KIF9: variants seen among roughly 807,000 people sequenced by gnomAD.
KIF9 encodes the protein kinesin-like protein KIF9.
A neutral mutation model predicts 94.8 loss-of-function variants in KIF9; 68 were observed. The ratio of observed to expected loss-of-function variants is 0.72; its 90% confidence interval spans 0.59 to 0.88. The LOEUF (loss-of-function observed/expected upper bound fraction) is 0.88, where lower values mean the gene tolerates loss of function less well. Among genes scored for constraint, KIF9 ranks in the 40% least tolerant of loss-of-function variants. KIF9 has a pLI of 0.00. For missense variants in KIF9, 882 were observed against 982.5 expected, an observed-to-expected ratio of 0.90 and a Z score of 1.37; for synonymous variants, 343 against 362.1, an observed-to-expected ratio of 0.95 and a Z score of 0.60.
intron 20 of KIF9, among the ~76,000 whole-genome samples, chr3:47,232,155 GTGAGGA>G (rs929523261): frequency 1.3e-5 from 2 of 152,204 alleles, no homozygotes; most frequent in African/African-American, 4.8e-5. Context: ...CTTCTGCTGT[GTGAGGA>G]CACAACTAGA....
intron 9 of KIF9, among the ~76,000 whole-genome samples, chr3:47,260,186 T>G (rs1241178678): frequency 1.5e-5 from 2 of 132,024 alleles, no homozygotes; most frequent in East Asian, 4.4e-4. Flanking sequence ...TGTATGCATA[T>G]CTAAAAGCAC....
intron 9 of KIF9, among the ~76,000 whole-genome samples, chr3:47,262,385 T>C (rs1179994576): frequency 6.6e-6 from 1 of 151,992 alleles, no homozygotes; most frequent in Non-Finnish European, 1.5e-5. Context: ...TTCTCCTGTC[T>C]CAGCCTCCCA....
intron 1 of KIF9, chr3:47,281,006 C>T (rs807936): frequency 0.56 from 391,456 of 702,752 alleles, 112,095 homozygotes; most frequent in Non-Finnish European, 0.6. Context: ...GGTTTCAGTT[C>T]CCAAAATTAA....
chr3:47,241,470 C>T lies in KIF9; in HGVS notation c.1710-455G>A, dbSNP rs546335004. Among the ~76,000 whole-genome samples, 24 of 151,250 alleles carry T rather than the reference C, an allele frequency of 1.6e-4. No homozygotes were observed. The South Asian group carries it at 2.7e-3, about 17-fold the overall frequency. On this transcript the variant is annotated intron_variant, in intron 16 of 20. Coordinates refer to ENST00000684063, the MANE Select transcript of KIF9 (RefSeq NM_182902.4). Reference sequence around the variant, plus strand: ...CTCAGTAGCTGGGATTACAGGCATGCGCCACCACACCTGGCTAATTTTTTT... The same window carrying T: ...CTCAGTAGCTGGGATTACAGGCATGTGCCACCACACCTGGCTAATTTTTTT...
intron 8 of KIF9, among the ~76,000 whole-genome samples, chr3:47,264,697 C>CA (rs1203439273): frequency 2.0e-5 from 3 of 152,234 alleles, no homozygotes; most frequent in Non-Finnish European, 4.4e-5. Flanking sequence ...CTCAGCCTCC[C>CA]AAAATGCTGG....
rs1313509808 is a variant in KIF9, at chr3:47,239,006, C to A, written c.1924+1795G>T. ...CTGAGGTCGGGAGTTCAAGACCAGCCTGACCAACATGGAGAAACCCCATCT... is the reference window on the plus strand; with the variant it reads ...CTGAGGTCGGGAGTTCAAGACCAGCATGACCAACATGGAGAAACCCCATCT... On this transcript the variant is annotated intron_variant, in intron 17 of 20. Coordinates refer to ENST00000684063, the MANE Select transcript of KIF9 (RefSeq NM_182902.4). Among the ~76,000 whole-genome samples the A allele has an allele frequency of 4.6e-5, 7 of 152,192 alleles. No homozygotes were observed. In the South Asian group the frequency reaches 1.0e-3, roughly 23 times the overall value.
chr3:47,253,820 A>G (rs1203469355), intron 10 of KIF9, among the ~76,000 whole-genome samples: 3 of 152,152 alleles, frequency 2.0e-5, no homozygotes, highest in African/African-American at 7.2e-5. Flanking sequence ...ATTTTTTGCT[A>G]TTATAGTAAG....
chr3:47,280,119 G>A (rs749827489), intron 1 of KIF9, among the ~76,000 whole-genome samples: 10 of 151,864 alleles, frequency 6.6e-5, no homozygotes, highest in Non-Finnish European at 1.3e-4. Flanking sequence ...CACCACACCC[G>A]GCTAACGTTT....
intron 3 of KIF9, chr3:47,275,091 C>A: frequency 2.0e-6 from 1 of 502,978 alleles, no homozygotes; most frequent in Non-Finnish European, 3.4e-6. Context: ...ACCCCTGTGA[C>A]CTATAGAGAG....
At chr3:47,244,594 CGA>C in intron 15 of KIF9, 195 bp downstream of exon 15, 2 of 645,202 alleles carry the variant, frequency 3.1e-6, no homozygotes, top group South Asian at 1.9e-5. Context: ...GCTGTGAGGA[CGA>C]GAGATGATTC....
In KIF9 at chr3:47,265,728, A is replaced by C. The variant is rs1473048036; in HGVS notation, c.916+2T>G. On this transcript the variant is annotated splice_donor_variant, in intron 8 of 20. Coordinates refer to ENST00000684063, the MANE Select transcript of KIF9 (RefSeq NM_182902.4). LOFTEE classifies it high-confidence loss of function. ...CCCTGGGCAGCAACTGTACCCCCTC[A>C]CCTAACGAGTCCTTCAGAGCGTGGG... 1 of 1,613,822 alleles carries C rather than the reference A, an allele frequency of 6.2e-7. No individual in the cohort carries two copies. Among genetic ancestry groups the C allele is most frequent in the East Asian group, 2.2e-5 (1 of 44,882 alleles).
chr3:47,269,430 C>T (rs778468890), intron 5 of KIF9, among the ~76,000 whole-genome samples: 4 of 152,090 alleles, frequency 2.6e-5, no homozygotes, highest in South Asian at 2.1e-4. Context: ...CACAGGCATG[C>T]GCCCCCATGC....
At chr3:47,231,353 T>C (rs532723781) in intron 20 of KIF9, among the ~76,000 whole-genome samples, 2 of 149,586 alleles carry the variant, frequency 1.3e-5, no homozygotes, top group East Asian at 4.0e-4. Context: ...AGCATGGACA[T>C]CATCTGGGAG....
chr3:47,281,269 C>CA, intron 1 of KIF9: 1 of 470,156 alleles, frequency 2.1e-6, no homozygotes, highest in Non-Finnish European at 3.8e-6. Context: ...ACAGCCCTTC[C>CA]AGGAGGACAC....
chr3:47,244,777 G>A lies in KIF9; in HGVS notation c.1514+14C>T. On this transcript the variant is annotated intron_variant, in intron 15 of 20. Coordinates refer to ENST00000684063, the MANE Select transcript of KIF9 (RefSeq NM_182902.4). ...GGCCAGCTGCTGAGGAGGCAGAGCGGCAAGGTCACTCACCTGAGTGGCTCT... is the reference window on the plus strand; with the variant it reads ...GGCCAGCTGCTGAGGAGGCAGAGCGACAAGGTCACTCACCTGAGTGGCTCT... 1.9e-6 allele frequency: 3 copies of A among 1,613,112 alleles called. No homozygotes were observed. The highest frequency in any genetic ancestry group is 2.5e-6 in the Non-Finnish European group (3 of 1,179,744).
intron 17 of KIF9, chr3:47,238,571 T>A (rs1575940244): frequency 2.0e-5 from 3 of 152,068 alleles, no homozygotes; most frequent in South Asian, 4.2e-4. Flanking sequence ...AAAATAAAGG[T>A]ATTTTATTAA....
intron 13 of KIF9, 73 bp downstream of exon 13, chr3:47,246,124 G>C (rs867266371): frequency 6.6e-6 from 9 of 1,360,744 alleles, no homozygotes; most frequent in Non-Finnish European, 9.4e-6. Flanking sequence ...GCTCTTGGAG[G>C]CAAGTGCCCA....
chr3:47,247,448 G>A lies in KIF9; in HGVS notation c.1158C>T (p.Pro386=), dbSNP rs763328528. 3.1e-6 allele frequency: 5 copies of A among 1,613,798 alleles called. No homozygotes were observed. The highest frequency in any genetic ancestry group is 1.7e-5 in the Admixed American group (1 of 60,004). The change falls in exon 12 of 21, where the codon CCC becomes CCT. Residue 386 remains proline, a synonymous_variant. Coordinates refer to ENST00000684063, the MANE Select transcript of KIF9 (RefSeq NM_182902.4). ...TCTCAGCAATCTGGATTTCATCCAT[G>A]GGGTCATAGGTCACAAAGGTGCGGT... ...LTNRTFVTYD[P]MDEIQIAEIN...
rs573588433 is a variant in KIF9 at position 47,235,142 on chromosome 3, C to T, written c.2322+371G>A. On this transcript the variant is annotated intron_variant, in intron 20 of 20. Coordinates refer to ENST00000684063, the MANE Select transcript of KIF9 (RefSeq NM_182902.4). ...AGTACCCCACCCACTCTATAGCTAA[C>T]GCCATGTCTAGCTATGCCTCAGCTG... is the stretch of plus-strand genomic sequence containing the variant. Among the ~76,000 whole-genome samples, 5 of 152,320 alleles carry T rather than the reference C, an allele frequency of 3.3e-5. No individual in the cohort carries two copies. In the East Asian group the frequency reaches 5.8e-4, roughly 18 times the overall value.
Sources: allele counts gnomAD v4.1 joint callset (sites outside exome capture counted in the v4.1 genomes callset), GRCh38; gene constraint gnomAD v4.1.1; transcripts MANE v1.5; gene names NCBI Gene and HGNC (gene_info 2026-07-23, HGNC 2026-07-21).